The following GLIS1 variants were observed in gnomAD, a reference collection of about 807,000 sequenced individuals.
GLIS1 encodes the protein zinc finger protein GLIS1.
Under a neutral mutation model 63.8 loss-of-function variants are expected in GLIS1, and 24 were observed. That is an observed-to-expected ratio of 0.38 (90% CI 0.27 to 0.53). The LOEUF is 0.53. Among genes scored for constraint, GLIS1 ranks in the 20% least tolerant of loss-of-function variants. The probability of loss-of-function intolerance (pLI) is 0.85; values close to 1 mark genes in which losing one functional copy is unlikely to be tolerated. For missense variants in GLIS1, 1,036 were observed against 1,074.1 expected (o/e 0.96, Z 0.50); for synonymous variants, 450 against 482.5 (o/e 0.93, Z 0.88).
At chr1:53,641,935 G>A (rs1317016604) in intron 2 of GLIS1, among the ~76,000 whole-genome samples, 2 of 152,192 alleles carry the variant, frequency 1.3e-5, no homozygotes, top group African/African-American at 4.8e-5. Flanking sequence ...TCCCAGGGCC[G>A]CTGCTCTGTG....
At chr1:53,537,093 G>A (rs867809654) in intron 4 of GLIS1, among the ~76,000 whole-genome samples, 1 of 152,176 alleles carries the variant, frequency 6.6e-6, no homozygotes, top group African/African-American at 2.4e-5. Context: ...CAGAGCAGAG[G>A]GCAGGAGATG....
chr1:53,573,104 A>G (rs1644998850), intron 4 of GLIS1, among the ~76,000 whole-genome samples: 1 of 152,154 alleles, frequency 6.6e-6, no homozygotes, highest in African/African-American at 2.4e-5. Context: ...CTCAAGCTGA[A>G]TTATGTCTGT....
chr1:53,549,648 CT>C (rs1174651778), intron 4 of GLIS1, among the ~76,000 whole-genome samples: 1 of 152,166 alleles, frequency 6.6e-6, no homozygotes, highest in Non-Finnish European at 1.5e-5. Context: ...TGAAAGAGTT[CT>C]TAATATATTC....
rs1046646656 is a variant in GLIS1, at chr1:53,639,163, CCA to C, written c.260-38887_260-38886del. Among the ~76,000 whole-genome samples, 4 of 152,098 alleles carry C rather than the reference CCA, an allele frequency of 2.6e-5. No homozygotes were observed. Among genetic ancestry groups the C allele is most frequent in the African/African-American group, 7.2e-5 (3 of 41,412 alleles). ...TAAAATGAGTCAATAATACCTACAC[CCA>C]CAGAGTCATTCTAGAGATGAAGCCA... On this transcript the variant is annotated intron_variant, in intron 2 of 10. Coordinates refer to ENST00000628545, the MANE Select transcript of GLIS1 (RefSeq NM_001367484.1). This position sits in a 1 kb window ranked among gnomAD's most constrained non-coding sequence, Gnocchi z 4.6.
At chr1:53,617,587 C>T (rs929884163) in intron 2 of GLIS1, among the ~76,000 whole-genome samples, 32 of 152,262 alleles carry the variant, frequency 2.1e-4, no homozygotes, top group African/African-American at 6.8e-4. Context: ...ATGCCGCACA[C>T]GGGCAATTGG....
chr1:53,703,357 CCAGGTG>C (rs1440165318), intron 2 of GLIS1, among the ~76,000 whole-genome samples: 1 of 152,078 alleles, frequency 6.6e-6, no homozygotes, highest in East Asian at 1.9e-4. Context: ...ATGAGTCAGG[CCAGGTG>C]CAGTGGCTCA....
chr1:53,736,864 G>A (rs1324451761), intron 2 of GLIS1, among the ~76,000 whole-genome samples: 1 of 152,142 alleles, frequency 6.6e-6, no homozygotes, highest in Non-Finnish European at 1.5e-5. Flanking sequence ...AGGAAGTGAT[G>A]CCTATAACCG....
At chr1:53,585,734 C>T (rs1187864360) in intron 4 of GLIS1, among the ~76,000 whole-genome samples, 3 of 152,194 alleles carry the variant, frequency 2.0e-5, no homozygotes, top group Non-Finnish European at 2.9e-5. Context: ...TGAAAGTGCC[C>T]TGTCTGTACT....
intron 2 of GLIS1, among the ~76,000 whole-genome samples, chr1:53,666,030 C>T (rs1646087604): frequency 1.3e-5 from 2 of 152,110 alleles, no homozygotes; most frequent in South Asian, 4.1e-4. Flanking sequence ...CTCATAGTCA[C>T]AAATTTAAAA....
chr1:53,585,649 G>A (rs1645127668), intron 4 of GLIS1, among the ~76,000 whole-genome samples: 1 of 152,178 alleles, frequency 6.6e-6, no homozygotes, highest in African/African-American at 2.4e-5. Context: ...CTCAAGACCA[G>A]GAACTACATT....
At chr1:53,575,620 G>C (rs1224642662) in intron 4 of GLIS1, among the ~76,000 whole-genome samples, 1 of 152,190 alleles carries the variant, frequency 6.6e-6, no homozygotes, top group Non-Finnish European at 1.5e-5. Context: ...GGCTCTCCTT[G>C]TCTGGACTAT....
intron 2 of GLIS1, among the ~76,000 whole-genome samples, chr1:53,703,604 A>G (rs1442525231): frequency 6.8e-6 from 1 of 148,070 alleles, no homozygotes; most frequent in East Asian, 2.0e-4. Flanking sequence ...ACACCACTGC[A>G]CTCCAGCCAG....
intron 4 of GLIS1, among the ~76,000 whole-genome samples, chr1:53,593,590 C>T (rs1482874202): frequency 6.6e-6 from 1 of 152,208 alleles, no homozygotes; most frequent in Admixed American, 6.5e-5. Flanking sequence ...CCCTGGGGAC[C>T]TGCAGCTCTC....
chr1:53,558,651 G>C (rs1052019554), intron 4 of GLIS1, among the ~76,000 whole-genome samples: 1 of 152,170 alleles, frequency 6.6e-6, no homozygotes, highest in Non-Finnish European at 1.5e-5. Context: ...GGTCAAGCAG[G>C]GTGTCCCATT....
intron 4 of GLIS1, among the ~76,000 whole-genome samples, chr1:53,583,094 TTTA>T (rs1645101666): frequency 6.6e-6 from 1 of 152,196 alleles, no homozygotes; most frequent in Admixed American, 6.5e-5. Context: ...TACACTCACA[TTTA>T]AATGTGGTAG....
At position 53,737,975 on chromosome 1, in the gene GLIS1, G is replaced by A. The variant is rs942510838; in HGVS notation, c.90C>T (p.Leu30=). The A allele has an allele frequency of 1.5e-5, 19 of 1,230,246 alleles. No homozygotes were observed. The highest frequency in any genetic ancestry group is 6.2e-5 in the African/African-American group (4 of 64,338). The allele number at this position is 1,230,246 out of a possible 1,614,324, so 76.2% of individuals were successfully genotyped here. A position where few individuals can be genotyped will look rare whatever the true frequency, so the allele number is the denominator to read the frequency against. Residue 30 remains leucine, a synonymous_variant, in exon 2 of 11, where the codon CTC becomes CTT. Coordinates refer to ENST00000628545, the MANE Select transcript of GLIS1 (RefSeq NM_001367484.1). ...TGACCCTGAAGGCCATGTGCGCGCC[G>A]AGGCTGGCGGGGCCGCGGTCGGGGC... is the stretch of plus-strand genomic sequence containing the variant. ...APGPDRGPAS[L]GAHMAFRVTV...
At chr1:53,519,031 C>G (rs543212123) in intron 7 of GLIS1, among the ~76,000 whole-genome samples, 1 of 152,366 alleles carries the variant, frequency 6.6e-6, no homozygotes, top group East Asian at 1.9e-4. Flanking sequence ...CAACAGCTTT[C>G]TTTCTGGCTG....
Position 53,574,676 on chromosome 1 carries a change from A to G in GLIS1, c.1320+19432T>C, listed in dbSNP as rs760968973. Among the ~76,000 whole-genome samples, 23 of 152,226 alleles carry G rather than the reference A, an allele frequency of 1.5e-4. No individual in the cohort carries two copies. The highest frequency in any genetic ancestry group is 2.1e-4 in the South Asian group (1 of 4,830). ...GGGTCATGATGTCTGCTGGTCCCCA[A>G]TATGAGTAAAGGAAGCAGCCCCACC... On this transcript the variant is annotated intron_variant, in intron 4 of 10. Coordinates refer to ENST00000628545, the MANE Select transcript of GLIS1 (RefSeq NM_001367484.1). The surrounding 1 kb of genome is among the most constrained non-coding windows in gnomAD (Gnocchi z 4.2).
At chr1:53,621,442 G>T (rs1367259768) in intron 2 of GLIS1, among the ~76,000 whole-genome samples, 2 of 152,252 alleles carry the variant, frequency 1.3e-5, no homozygotes, top group Non-Finnish European at 2.9e-5. Context: ...GCCCGTGTGG[G>T]AGGTGGGCCA....
Sources: gnomAD v4.1 joint callset for allele counts (sites outside exome capture counted in the v4.1 genomes callset) on GRCh38, gnomAD v4.1.1 for gene constraint, Gnocchi (gnomAD v3.1) non-coding constraint, MANE v1.5 for transcripts, NCBI Gene and HGNC (gene_info 2026-07-23, HGNC 2026-07-21) for gene names.